The following MYCBP2 variants were observed in gnomAD, a reference collection of about 807,000 sequenced individuals.
MYCBP2 encodes the protein MYC binding protein 2, also known as E3 ubiquitin-protein ligase MYCBP2.
MYCBP2 carries 120 observed loss-of-function variants against 525.3 expected under a neutral mutation model. The ratio of observed to expected loss-of-function variants is 0.23; its 90% CI spans 0.20 to 0.27. MYCBP2 has a LOEUF of 0.27. Ranked by LOEUF, MYCBP2 falls within the 10% of genes least tolerant of loss-of-function variation. MYCBP2 has a pLI of 1.00. For missense variants in MYCBP2, 4,149 were observed against 5,657.1 expected, an observed-to-expected ratio of 0.73 and a Z score of 8.55; for synonymous variants, 1,894 against 1,955.8, an observed-to-expected ratio of 0.97 and a Z score of 0.83.
intron 15 of MYCBP2, among the ~76,000 whole-genome samples, chr13:77,250,562 A>G (rs1433089735): frequency 6.6e-6 from 1 of 152,250 alleles, no homozygotes; most frequent in East Asian, 1.9e-4. Context: ...ACATCCTAGC[A>G]GAAAACCTGC....
In MYCBP2 at chr13:77,161,823, G is replaced by T. The variant is rs189466575; in HGVS notation, c.6597+83C>A. ...AAGTACTTAATGAATGAACCCAATG[G>T]TCAAGACAAATAGGCTGATCTGAGT... is the stretch of plus-strand genomic sequence containing the variant. On this transcript the variant is annotated intron_variant, in intron 44 of 82. Transcript: ENST00000544440. 2.6e-5 allele frequency: 28 copies of T among 1,061,840 alleles called. No homozygotes were observed. In the East Asian group the frequency reaches 6.8e-4, roughly 26 times the overall value. The allele number at this position is 1,061,840 out of a possible 1,614,324, so 65.8% of individuals were successfully genotyped here.
At chr13:77,197,599 A>G (rs2061891731) in intron 26 of MYCBP2, among the ~76,000 whole-genome samples, 1 of 152,168 alleles carries the variant, frequency 6.6e-6, no homozygotes, top group African/African-American at 2.4e-5. Context: ...CTCAAAAGAG[A>G]ATGCATATAC....
At chr13:77,291,012 T>G (rs1224104967) in intron 2 of MYCBP2, among the ~76,000 whole-genome samples, 1 of 152,160 alleles carries the variant, frequency 6.6e-6, no homozygotes, top group African/African-American at 2.4e-5. Context: ...TGAGTGAAAT[T>G]TAAAGACTTA....
chr13:77,319,569 C>A (rs9600863), intron 1 of MYCBP2, among the ~76,000 whole-genome samples: 4,559 of 152,248 alleles, frequency 0.03, 235 homozygotes, highest in African/African-American at 0.1. Context: ...TTATCTTCCA[C>A]CTTGCATCAT....
chr13:77,153,697 T>A (rs190367575), intron 46 of MYCBP2, among the ~76,000 whole-genome samples: 3 of 151,156 alleles, frequency 2.0e-5, no homozygotes, highest in African/African-American at 7.3e-5. Flanking sequence ...AAAGTTATTC[T>A]TGTATTTCCT....
intron 1 of MYCBP2, among the ~76,000 whole-genome samples, chr13:77,320,267 G>A (rs2081430903): frequency 6.6e-6 from 1 of 152,162 alleles, no homozygotes; most frequent in Admixed American, 6.5e-5. Flanking sequence ...ATATTGCCAA[G>A]AGCTAGGGGA....
chr13:77,221,820 G>T (rs1387984691), intron 20 of MYCBP2, among the ~76,000 whole-genome samples: 1 of 152,104 alleles, frequency 6.6e-6, no homozygotes, highest in Non-Finnish European at 1.5e-5. Context: ...GCATCCATGG[G>T]GAATTGGTTC....
At chr13:77,293,644 G>A (rs752859891) in intron 2 of MYCBP2, among the ~76,000 whole-genome samples, 1 of 152,124 alleles carries the variant, frequency 6.6e-6, no homozygotes, top group Non-Finnish European at 1.5e-5. Flanking sequence ...TAATCACAAG[G>A]GTCCTTACAA....
rs2059351840 is a variant in MYCBP2 at position 77,173,675 on chromosome 13, G to GT, written c.5651+635dup. Among the ~76,000 whole-genome samples the GT allele has an allele frequency of 2.0e-5, 3 of 152,206 alleles. 1 individual carries two copies. In the South Asian group the frequency reaches 6.2e-4, roughly 31 times the overall value. Reference sequence around the variant, plus strand: ...CCAAGTCAGGCTGAGGACAAATGTGGTAAATGGTACTCATGACTACCTAAG... The same window carrying GT: ...CCAAGTCAGGCTGAGGACAAATGTGGTTAAATGGTACTCATGACTACCTAAG... On this transcript the variant is annotated intron_variant, in intron 37 of 82. Transcript: ENST00000544440.
chr13:77,298,131 C>G (rs2078389755), intron 1 of MYCBP2, among the ~76,000 whole-genome samples: 2 of 152,220 alleles, frequency 1.3e-5, no homozygotes, highest in Non-Finnish European at 2.9e-5. Context: ...ATTTTGCATT[C>G]TTTTCCACCT....
intron 14 of MYCBP2, among the ~76,000 whole-genome samples, chr13:77,255,175 T>C (rs948263437): frequency 6.6e-6 from 1 of 151,998 alleles, no homozygotes; most frequent in Non-Finnish European, 1.5e-5. Flanking sequence ...GTCACCTTCA[T>C]ACGAATGAAA....
intron 36 of MYCBP2, among the ~76,000 whole-genome samples, chr13:77,175,849 C>T (rs1220978148): frequency 6.6e-6 from 1 of 151,320 alleles, no homozygotes; most frequent in African/African-American, 2.4e-5. Flanking sequence ...TCCAGCTACT[C>T]GGGAGGCTGA....
chr13:77,262,024 T>TC (rs1368093547), intron 11 of MYCBP2, 29 bp downstream of exon 11: 1 of 1,570,148 alleles, frequency 6.4e-7, no homozygotes, highest in South Asian at 1.1e-5. Flanking sequence ...CAGAGAATGC[T>TC]CATTTTTAAT....
At chr13:77,255,724 A>G (rs1040894749) in intron 14 of MYCBP2, among the ~76,000 whole-genome samples, 1 of 151,924 alleles carries the variant, frequency 6.6e-6, no homozygotes, top group Non-Finnish European at 1.5e-5. Context: ...GATGCATTTT[A>G]AATACACACA....
rs1288852677 is a variant in MYCBP2 at position 77,313,789 on chromosome 13, A to C, written c.302+12685T>G. On this transcript the variant is annotated intron_variant, in intron 1 of 82. Coordinates refer to ENST00000544440, the MANE Select transcript of MYCBP2 (RefSeq NM_015057.5). ...TCAGTTACACCCTCACAGAATACCA[A>C]GAACTCTCAAAACTCTAACAATAAG... is the stretch of plus-strand genomic sequence containing the variant. 4.6e-5 allele frequency among the ~76,000 whole-genome samples: 7 copies of C among 152,238 alleles called. No homozygotes were observed. In the East Asian group the frequency reaches 1.3e-3, roughly 29 times the overall value.
intron 80 of MYCBP2, among the ~76,000 whole-genome samples, chr13:77,055,076 ATT>A: frequency 6.6e-6 from 1 of 152,032 alleles, no homozygotes; most frequent in Admixed American, 6.6e-5. Flanking sequence ...GTAAGGAAGT[ATT>A]TATTAAGTAG....
intron 48 of MYCBP2, among the ~76,000 whole-genome samples, chr13:77,145,304 T>C (rs1447837158): frequency 2.6e-5 from 4 of 152,196 alleles, no homozygotes; most frequent in Admixed American, 2.0e-4. Context: ...TATCTTGAAA[T>C]ACTTCCTTCT....
intron 23 of MYCBP2, 136 bp downstream of exon 23, chr13:77,211,031 G>A: frequency 1.7e-6 from 1 of 583,812 alleles, no homozygotes; most frequent in Non-Finnish European, 2.6e-6. Context: ...GTGAATCACT[G>A]AGACAGAATT....
chr13:77,322,767 G>A (rs777662784), intron 1 of MYCBP2, among the ~76,000 whole-genome samples: 2 of 152,174 alleles, frequency 1.3e-5, no homozygotes, highest in Non-Finnish European at 2.9e-5. Flanking sequence ...CTGTGCTATG[G>A]TGCCTCCCAA....
Sources: allele counts gnomAD v4.1 joint callset (sites outside exome capture counted in the v4.1 genomes callset), GRCh38; gene constraint gnomAD v4.1.1; transcripts MANE v1.5; gene names NCBI Gene and HGNC (gene_info 2026-07-23, HGNC 2026-07-21).